The following HOXA3 variants were observed in gnomAD, a reference collection of about 807,000 sequenced individuals.
The protein encoded by HOXA3 is homeobox protein Hox-A3.
HOXA3 carries 8 observed loss-of-function variants against 30.3 expected under a neutral mutation model. The observed-to-expected ratio is 0.26, with a 90% CI of 0.15 to 0.48. The LOEUF (loss-of-function observed/expected upper bound fraction) is 0.48, where lower values mean the gene tolerates loss of function less well. HOXA3 is among the 20% of genes least tolerant of loss of function. HOXA3 has a pLI of 0.99. For missense variants in HOXA3, 653 were observed against 614.4 expected (o/e 1.06, Z -0.66); for synonymous variants, 323 against 273.1 (o/e 1.18, Z -1.80).
At chr7:27,143,374 G>C (rs1188085568) in intron 1 of HOXA3, 2 of 1,591,152 alleles carry the variant, frequency 1.3e-6, no homozygotes, top group Non-Finnish European at 8.5e-7. Context: ...CGGGCGCCGC[G>C]CTGGCGCTGG....
At chr7:27,149,564 C>A (rs888307447) in intron 1 of HOXA3, among the ~76,000 whole-genome samples, 1 of 152,270 alleles carries the variant, frequency 6.6e-6, no homozygotes, top group East Asian at 1.9e-4. Context: ...AAGGCGGCTG[C>A]TAGCCCGGCA....
At chr7:27,115,413 C>A (rs936106482) in intron 4 of HOXA3, 2 of 152,190 alleles carry the variant, frequency 1.3e-5, no homozygotes, top group South Asian at 2.1e-4. Flanking sequence ...CGCAAAAATC[C>A]GTTCGGCGGC....
intron 4 of HOXA3, among the ~76,000 whole-genome samples, chr7:27,117,162 A>G (rs1037747392): frequency 4.6e-5 from 7 of 152,192 alleles, no homozygotes; most frequent in African/African-American, 1.7e-4. Flanking sequence ...CATGCAGTTT[A>G]ACTTTCATCT....
At chr7:27,143,736 C>T in intron 1 of HOXA3, 1 of 1,431,860 alleles carries the variant, frequency 7.0e-7, no homozygotes, top group Non-Finnish European at 9.2e-7. Flanking sequence ...ACGTAGGCAC[C>T]CAAATATGGG....
At chr7:27,118,302 G>T (rs1439334434) in intron 4 of HOXA3, among the ~76,000 whole-genome samples, 1 of 152,210 alleles carries the variant, frequency 6.6e-6, no homozygotes, top group East Asian at 1.9e-4. Context: ...GGGGTTGGGG[G>T]AAAGCTCTGG....
rs754172088 is a variant in HOXA3, at chr7:27,130,506, C to T, written c.-389-3436G>A. 1.5e-5 allele frequency: 20 copies of T among 1,297,852 alleles called. No homozygotes were observed. The African/African-American group carries it at 2.5e-4, about 16-fold the overall frequency. 80.4% of individuals were successfully genotyped at this position (1,297,852 alleles called of 1,614,324 possible). ...GGTAGGCGGGCTCGCGGGCGGTCCG[C>T]GGCGCGTAGTAGGAGGCAGTGGGCT... On this transcript the variant is annotated intron_variant, in intron 2 of 5. Coordinates refer to ENST00000612286, the MANE Select transcript of HOXA3 (RefSeq NM_153631.3).
chr7:27,109,238 T>C (rs1375271801), intron 5 of HOXA3, among the ~76,000 whole-genome samples: 2 of 152,360 alleles, frequency 1.3e-5, no homozygotes, highest in South Asian at 2.1e-4. Context: ...AGGCCTTCTC[T>C]GCCCAAAGAA....
At chr7:27,130,018 C>G (rs983956604) in intron 2 of HOXA3, 1 of 1,361,978 alleles carries the variant, frequency 7.3e-7, no homozygotes, top group Non-Finnish European at 1.0e-6. Flanking sequence ...GCTCCCCTCC[C>G]GAGGCCCCCT....
At chr7:27,145,883 G>T in intron 1 of HOXA3, 2 of 1,614,032 alleles carry the variant, frequency 1.2e-6, no homozygotes, top group Non-Finnish European at 1.7e-6. Flanking sequence ...TGTAGGTCTG[G>T]CGGCCTCGGC....
At chr7:27,122,424 A>G (rs1785062594) in intron 4 of HOXA3, 135 bp downstream of exon 4, 1 of 152,192 alleles carries the variant, frequency 6.6e-6, no homozygotes, top group Admixed American at 6.5e-5. Context: ...TCCAACTCCA[A>G]ACTCCTCCGA....
rs1297705629 is a variant in HOXA3, at chr7:27,110,445, C to T, written c.196G>A (p.Glu66Lys). 6.3e-7 allele frequency: 1 copy of T among 1,582,072 alleles called. No individual in the cohort carries two copies. Among genetic ancestry groups the T allele is most frequent in the Non-Finnish European group, 8.6e-7 (1 of 1,162,968 alleles). The change falls in exon 5 of 6, where the codon GAA (glutamate) becomes AAA (lysine). Residue 66 changes from glutamate to lysine, a missense_variant. By Grantham distance (56) the Glu-to-Lys change is moderately conservative. This residue lies in a region of HOXA3 where 320 missense variants were observed against 321.9 expected (regional missense o/e 0.99). Transcript: ENST00000612286. Reference protein sequence around the residue: ...SSAGGHPKAHELSEACLRTLS... With the variant: ...SSAGGHPKAHKLSEACLRTLS... The stretch of plus-strand genomic sequence containing the variant: ...GTGCGCAGGCACGCCTCACTCAGTT[C>T]GTGTGCCTTGGGGTGGCCCCCGGCG...
Position 27,108,062 on chromosome 7 carries a change from G to A in HOXA3, c.1185C>T (p.Ala395=). ...LTHLPHAASG[A]MDYGGAGPLG... ...GCGGCCCGGCACCCCCATAGTCCATGGCGCCCGAGGCAGCGTGGGGGAGGT... is the reference window on the plus strand; with the variant it reads ...GCGGCCCGGCACCCCCATAGTCCATAGCGCCCGAGGCAGCGTGGGGGAGGT... Residue 395 remains alanine, a synonymous_variant, in exon 6 of 6, where the codon GCC becomes GCT. Transcript: ENST00000612286. The surrounding 1 kb of genome is among the most constrained non-coding windows in gnomAD (Gnocchi z 5.0). 15 of 1,613,064 alleles carry A rather than the reference G, an allele frequency of 9.3e-6. No individual in the cohort carries two copies. Among genetic ancestry groups the A allele is most frequent in the Non-Finnish European group, 9.3e-6 (11 of 1,179,312 alleles).
chr7:27,126,684 A>G (rs1275769814), intron 3 of HOXA3, among the ~76,000 whole-genome samples: 1 of 152,228 alleles, frequency 6.6e-6, no homozygotes, highest in Non-Finnish European at 1.5e-5. Flanking sequence ...TTAATAATCA[A>G]TACAGTTGGG....
Position 27,107,611 on chromosome 7 carries a change from CCT to C in HOXA3, c.*302_*303del. 1 of 317,934 alleles carries C rather than the reference CCT, an allele frequency of 3.1e-6. No homozygotes were observed. The highest frequency in any genetic ancestry group is 4.9e-5 in the Admixed American group (1 of 20,266). 19.7% of individuals were successfully genotyped at this position (317,934 alleles called of 1,614,324 possible). ...TCGACTAGAAAATTTGTTCATATACCCTGTTTCTGATCAAAGAGTGGAGAAGG... is the reference window on the plus strand; with the variant it reads ...TCGACTAGAAAATTTGTTCATATACCGTTTCTGATCAAAGAGTGGAGAAGG... On this transcript the variant is annotated 3_prime_UTR_variant, in exon 6 of 6. Transcript: ENST00000612286.
At chr7:27,130,784 T>G in intron 2 of HOXA3, 1 of 1,555,004 alleles carries the variant, frequency 6.4e-7, no homozygotes, top group Non-Finnish European at 8.7e-7. Context: ...TCGTTTTTTC[T>G]GGGCTTGCCG....
intron 1 of HOXA3, chr7:27,151,549 T>G (rs1782972396): frequency 2.2e-6 from 1 of 456,302 alleles, no homozygotes; most frequent in Non-Finnish European, 4.4e-6. Flanking sequence ...AACACCCAAT[T>G]AATCCCATCC....
chr7:27,152,281 G>A lies in HOXA3; in HGVS notation c.-494+7C>T, dbSNP rs1332352944. ...CTTTGCTCCTATCTCCTCCCCACAT[G>A]TCTCACCTTCAGACGGTGGCTCCCA... On this transcript the variant is annotated splice_region_variant and intron_variant, in intron 1 of 5. Transcript: ENST00000612286. 7 of 1,279,466 alleles carry A rather than the reference G, an allele frequency of 5.5e-6. No homozygotes were observed. The highest frequency in any genetic ancestry group is 4.3e-4 in the Middle Eastern group (2 of 4,662). 79.3% of individuals were successfully genotyped at this position (1,279,466 alleles called of 1,614,324 possible). A position where few individuals can be genotyped will look rare whatever the true frequency, so the allele number is the denominator to read the frequency against.
At chr7:27,141,585 TATAA>T (rs1782571104) in intron 1 of HOXA3, 1 of 375,242 alleles carries the variant, frequency 2.7e-6, no homozygotes, top group Non-Finnish European at 4.8e-6. Flanking sequence ...GCTTGCTTCA[TATAA>T]ATAAGTTAAA....
At chr7:27,151,396 C>G in intron 1 of HOXA3, 3 of 342,418 alleles carry the variant, frequency 8.8e-6, no homozygotes, top group Non-Finnish European at 1.7e-5. Context: ...GGAGTGCGGT[C>G]GCCAGTCCGT....
Sources: allele counts gnomAD v4.1 joint callset (sites outside exome capture counted in the v4.1 genomes callset), GRCh38; gene constraint gnomAD v4.1.1; regional missense constraint gnomAD v4.1.1; non-coding constraint Gnocchi (gnomAD v3.1); transcripts MANE v1.5; gene names NCBI Gene and HGNC (gene_info 2026-07-23, HGNC 2026-07-21).